SETX: variants seen among roughly 807,000 people sequenced by gnomAD.
SETX encodes the protein senataxin.
Under a neutral mutation model 227.2 loss-of-function variants are expected in SETX, and 90 were observed. That is an observed-to-expected ratio of 0.40 (90% CI 0.33 to 0.47). The LOEUF is 0.47. Ranked by LOEUF, SETX falls within the 20% of genes least tolerant of loss-of-function variation. The probability of loss-of-function intolerance (pLI) is 0.91; values close to 1 mark genes in which losing one functional copy is unlikely to be tolerated. For synonymous variants in SETX, 1,210 were observed against 1,113.2 expected (o/e 1.09, Z -1.73); for missense variants, 3,052 against 3,181.5 (o/e 0.96, Z 0.98).
At position 132,286,840 on chromosome 9, in the gene SETX, C is replaced by T. The variant is rs1394354657; in HGVS notation, c.6325-346G>A. On this transcript the variant is annotated intron_variant, in intron 17 of 25. Coordinates refer to ENST00000224140, the MANE Select transcript of SETX (RefSeq NM_015046.7). ...TCTAACACAGGCCTGGCCAATCATG[C>T]ACCCATCTTCTTAAAAATAGGGATT... Among the ~76,000 whole-genome samples the T allele has an allele frequency of 3.3e-5, 5 of 152,340 alleles. No homozygotes were observed. The East Asian group carries it at 9.6e-4, about 29-fold the overall frequency.
chr9:132,356,547 C>T (rs189676294), upstream of SETX, among the ~76,000 whole-genome samples: 129 of 152,224 alleles, frequency 8.5e-4, no homozygotes, highest in African/African-American at 3.0e-3. Context: ...GATGATGCAG[C>T]GTCACCGTCT....
chr9:132,341,745 T>G (rs1436671084), intron 5 of SETX, among the ~76,000 whole-genome samples: 2 of 152,182 alleles, frequency 1.3e-5, no homozygotes, highest in African/African-American at 4.8e-5. Context: ...TTGTTTGGAG[T>G]GCAGAGTTTG....
intron 15 of SETX, among the ~76,000 whole-genome samples, chr9:132,294,619 T>C (rs964742130): frequency 4.6e-5 from 7 of 152,258 alleles, no homozygotes; most frequent in African/African-American, 1.7e-4. Flanking sequence ...GCCTCTCTTA[T>C]ACCTCGGTGT....
chr9:132,305,397 T>A (rs1589689031), intron 11 of SETX, among the ~76,000 whole-genome samples: 4 of 140,888 alleles, frequency 2.8e-5, no homozygotes, highest in Admixed American at 1.4e-4. Context: ...ACCTCAAAAA[T>A]GAAAAAAAAT....
chr9:132,334,196 AG>A (rs1847444654), intron 7 of SETX, among the ~76,000 whole-genome samples: 1 of 152,274 alleles, frequency 6.6e-6, no homozygotes, highest in Non-Finnish European at 1.5e-5. Flanking sequence ...CTGTAATCCC[AG>A]CACTTTGGGA....
At chr9:132,286,046 G>A (rs1843860893) in intron 18 of SETX, among the ~76,000 whole-genome samples, 1 of 151,358 alleles carries the variant, frequency 6.6e-6, no homozygotes, top group African/African-American at 2.4e-5. Flanking sequence ...AGCTGGGCGT[G>A]GTGGCACACG....
In SETX at chr9:132,296,435, C is replaced by A. The variant is rs556764823; in HGVS notation, c.5950-407G>T. Reference sequence around the variant, plus strand: ...GTGGGTGGTGGTGTACGCCTGTAATCCCAGCCACTAGGGAGGTACTCGGGA... The same window carrying A: ...GTGGGTGGTGGTGTACGCCTGTAATACCAGCCACTAGGGAGGTACTCGGGA... On this transcript the variant is annotated intron_variant, in intron 14 of 25. Transcript: ENST00000224140. Among the ~76,000 whole-genome samples the A allele has an allele frequency of 6.6e-5, 10 of 152,210 alleles. No individual in the cohort carries two copies. The South Asian group carries it at 1.7e-3, about 25-fold the overall frequency.
intron 15 of SETX, among the ~76,000 whole-genome samples, chr9:132,292,280 A>C (rs1298591924): frequency 6.6e-6 from 1 of 151,776 alleles, no homozygotes; most frequent in East Asian, 1.9e-4. Flanking sequence ...AAAATTTAAA[A>C]ATTAACCCAG....
rs1842509395 is a variant in SETX at position 132,264,131 on chromosome 9, C to T, written c.*108G>A. On this transcript the variant is annotated 3_prime_UTR_variant, in exon 26 of 26. Transcript: ENST00000224140. ...AGGATGCATTTTCCATGTTTTCCAACAGCACACAAACTCCTTACAAAAAAC... is the reference window on the plus strand; with the variant it reads ...AGGATGCATTTTCCATGTTTTCCAATAGCACACAAACTCCTTACAAAAAAC... The T allele has an allele frequency of 2.7e-6, 4 of 1,502,600 alleles. No homozygotes were observed. Among genetic ancestry groups the T allele is most frequent in the Non-Finnish European group, 3.7e-6 (4 of 1,093,738 alleles). The allele number at this position is 1,502,600 out of a possible 1,614,324, so 93.1% of individuals were successfully genotyped here.
In SETX at chr9:132,326,504, A is replaced by G. The variant is rs764984790; in HGVS notation, c.5094T>C (p.Ser1698=). Residue 1698 remains serine (S), a synonymous_variant, in exon 10 of 26, where the codon TCT becomes TCC. Transcript: ENST00000224140. The part of the protein sequence containing the change: ...VNILLSSQSV[S]DTFVKEVLKW... Reference sequence around the variant, plus strand: ...TTAAGACCTCTTTAACGAAGGTGTCAGAGACAGACTGTGATGACAAAAGAA... The same window carrying G: ...TTAAGACCTCTTTAACGAAGGTGTCGGAGACAGACTGTGATGACAAAAGAA... 2 of 1,614,260 alleles carry G rather than the reference A, an allele frequency of 1.2e-6. No homozygotes were observed. Among genetic ancestry groups the G allele is most frequent in the East Asian group, 4.5e-5 (2 of 44,888 alleles).
intron 15 of SETX, 81 bp downstream of exon 15, chr9:132,295,791 G>A: frequency 7.7e-7 from 1 of 1,302,198 alleles, no homozygotes; most frequent in Non-Finnish European, 1.1e-6. Context: ...GGACTGGCCT[G>A]CTCTTTCCTT....
rs780078856 is a variant in SETX, at chr9:132,327,418, A to G, written c.4180T>C (p.Ser1394Pro). The G allele has an allele frequency of 3.3e-5, 53 of 1,614,026 alleles. No homozygotes were observed. The Middle Eastern group carries it at 4.9e-4, about 15-fold the overall frequency. Reference sequence around the variant, plus strand: ...GTTCCTCCTGTACAATTATAATCTGACCTATCAGATTCTGGTACAAATATG... The same window carrying G: ...GTTCCTCCTGTACAATTATAATCTGGCCTATCAGATTCTGGTACAAATATG... The part of the protein sequence containing the change: ...SDIFVPESDR[S>P]DYNCTGGTEV... Residue 1394 changes from serine to proline, a missense_variant, in exon 10 of 26, where the codon TCA (serine) becomes CCA (proline). Transcript: ENST00000224140.
At chr9:132,282,983 C>A in intron 19 of SETX, 1 of 453,356 alleles carries the variant, frequency 2.2e-6, no homozygotes, top group Non-Finnish European at 4.1e-6. Context: ...AAAAGGTTAC[C>A]AGAGATATTC....
intron 1 of SETX, 22 bp from the exon 2 acceptor site, chr9:132,353,777 C>A (rs570742800): frequency 2.0e-5 from 3 of 152,318 alleles, no homozygotes; most frequent in Admixed American, 6.5e-5. Context: ...AAACAAAAAA[C>A]GAAATTGGTA....
intron 5 of SETX, among the ~76,000 whole-genome samples, chr9:132,340,614 C>A (rs1360022652): frequency 6.6e-6 from 1 of 152,192 alleles, no homozygotes; most frequent in Non-Finnish European, 1.5e-5. Context: ...CGGGCAGAAG[C>A]AGCATTAGAA....
intron 23 of SETX, 119 bp downstream of exon 23, chr9:132,275,137 G>A (rs1053297734): frequency 1.0e-5 from 11 of 1,071,074 alleles, no homozygotes; most frequent in Admixed American, 1.8e-5. Flanking sequence ...CAGCTTCCTC[G>A]TGCCGTATCA....
At chr9:132,292,751 T>A (rs913280287) in intron 15 of SETX, among the ~76,000 whole-genome samples, 1 of 150,628 alleles carries the variant, frequency 6.6e-6, no homozygotes, top group African/African-American at 2.4e-5. Flanking sequence ...TGCCTCAGCC[T>A]CCCGAGTAGC....
At chr9:132,267,287 TG>T (rs1354378585) in intron 25 of SETX, among the ~76,000 whole-genome samples, 2 of 152,230 alleles carry the variant, frequency 1.3e-5, no homozygotes, top group Non-Finnish European at 2.9e-5. Flanking sequence ...CGCCAGGCTC[TG>T]GGGGCTCAGT....
intron 10 of SETX, among the ~76,000 whole-genome samples, chr9:132,321,688 A>T: frequency 6.7e-6 from 1 of 148,578 alleles, no homozygotes; most frequent in East Asian, 2.0e-4. Context: ...AAAAAAAAAA[A>T]CCCACAAAAA....
Sources: gnomAD v4.1 joint callset for allele counts (sites outside exome capture counted in the v4.1 genomes callset) on GRCh38, gnomAD v4.1.1 for gene constraint, MANE v1.5 for transcripts, NCBI Gene and HGNC (gene_info 2026-07-23, HGNC 2026-07-21) for gene names.